USP12: variants seen among roughly 807,000 people sequenced by gnomAD.
USP12 encodes ubiquitin carboxyl-terminal hydrolase 12.
A neutral mutation model predicts 45.5 loss-of-function variants in USP12; 19 were observed. That is an observed-to-expected ratio of 0.42 (90% CI 0.29 to 0.61). The LOEUF is 0.61. Ranked by LOEUF, USP12 falls within the 20% of genes least tolerant of loss-of-function variation. The pLI is 0.22. For synonymous variants in USP12, 149 were observed against 148.8 expected, an observed-to-expected ratio of 1.00 and a Z score of -0.01; for missense variants, 242 against 447.7, an observed-to-expected ratio of 0.54 and a Z score of 4.15.
intron 6 of USP12, among the ~76,000 whole-genome samples, chr13:27,086,715 A>G (rs926746588): frequency 1.2e-4 from 18 of 152,158 alleles, no homozygotes; most frequent in African/African-American, 3.4e-4. Context: ...TATAGTCAGT[A>G]AAGTCTGAAA....
chr13:27,095,778 T>C lies in USP12; in HGVS notation c.396A>G (p.Leu132=), dbSNP rs749106977. The C allele has an allele frequency of 3.7e-6, 6 of 1,612,122 alleles. No individual in the cohort carries two copies. The highest frequency in any genetic ancestry group is 1.1e-5 in the South Asian group (1 of 90,374). Residue 132 remains leucine (L), a synonymous_variant, in exon 4 of 9, where the codon CTA becomes CTG. Coordinates refer to ENST00000282344, the MANE Select transcript of USP12 (RefSeq NM_182488.4). ...GTAAAATATCAGCAATTGTATTTAG[T>C]AGGTAATTTAAGAATTCATGGGCAT... ...QQDAHEFLNY[L]LNTIADILQE... is the part of the protein sequence containing the mutation.
chr13:27,123,010 TGAACCTGGGAGGCG>T (rs147808822), intron 1 of USP12, among the ~76,000 whole-genome samples: 8,073 of 151,164 alleles, frequency 0.053, 255 homozygotes, highest in Non-Finnish European at 0.057. Context: ...GAGAATGGCG[TGAACCTGGGAGGCG>T]GAGCTTGCAG....
intron 1 of USP12, among the ~76,000 whole-genome samples, chr13:27,163,768 TA>T (rs34384911): frequency 0.018 from 1,489 of 83,246 alleles, 16 homozygotes; most frequent in Middle Eastern, 0.055. Flanking sequence ...AGACCTGTCT[TA>T]AAAAAAAAAA....
At chr13:27,120,493 A>G (rs1046581248) in intron 1 of USP12, among the ~76,000 whole-genome samples, 3 of 152,064 alleles carry the variant, frequency 2.0e-5, no homozygotes, top group Non-Finnish European at 4.4e-5. Flanking sequence ...TCTCTATTAA[A>G]AATACAAAAA....
At chr13:27,159,043 G>C (rs1187132776) in intron 1 of USP12, among the ~76,000 whole-genome samples, 2 of 152,094 alleles carry the variant, frequency 1.3e-5, no homozygotes, top group African/African-American at 2.4e-5. Flanking sequence ...ATTACTTCTT[G>C]GGAAAGGGCG....
At chr13:27,171,384 C>A (rs1878599649) in intron 1 of USP12, among the ~76,000 whole-genome samples, 1 of 147,386 alleles carries the variant, frequency 6.8e-6, no homozygotes, top group Non-Finnish European at 1.5e-5. Context: ...CAGGCGGCGC[C>A]CCCTCCCCAG....
rs184044291 is a variant in USP12 at position 27,170,110 on chromosome 13, T to A, written c.48+1482A>T. ...AAACAATTCTCCAAAATCATTTTAA[T>A]ATAGTCCATTTAATACAAATGCTTT... On this transcript the variant is annotated intron_variant, in intron 1 of 8. Coordinates refer to ENST00000282344, the MANE Select transcript of USP12 (RefSeq NM_182488.4). 1.6e-3 allele frequency: 616 copies of A among 390,104 alleles called. 1 individual carries two copies. Among genetic ancestry groups the A allele is most frequent in the Non-Finnish European group, 2.3e-3 (514 of 221,370 alleles). 24.2% of individuals were successfully genotyped at this position (390,104 alleles called of 1,614,324 possible). A position where few individuals can be genotyped will look rare whatever the true frequency, so the allele number is the denominator to read the frequency against.
intron 3 of USP12, among the ~76,000 whole-genome samples, chr13:27,105,201 G>A (rs1875071873): frequency 6.6e-6 from 1 of 152,120 alleles, no homozygotes; most frequent in Non-Finnish European, 1.5e-5. Flanking sequence ...TTTAAAAAGG[G>A]GTTGGGGGAT....
At chr13:27,113,676 A>AG (rs1394813845) in intron 2 of USP12, among the ~76,000 whole-genome samples, 2 of 152,164 alleles carry the variant, frequency 1.3e-5, no homozygotes, top group Non-Finnish European at 2.9e-5. Context: ...TATCAATCAA[A>AG]GCCCTTTTAC....
At chr13:27,088,512 AAAT>A (rs938797240) in intron 6 of USP12, among the ~76,000 whole-genome samples, 15 of 151,838 alleles carry the variant, frequency 9.9e-5, no homozygotes, top group East Asian at 1.9e-4. Flanking sequence ...ACCATTTGCC[AAAT>A]AATAAGTGTC....
At position 27,066,837 on chromosome 13, in the gene USP12, C is replaced by T. The variant is rs570232271; in HGVS notation, c.*2446G>A. On this transcript the variant is annotated 3_prime_UTR_variant, in exon 9 of 9. Coordinates refer to ENST00000282344, the MANE Select transcript of USP12 (RefSeq NM_182488.4). ...TCAACCAACATACAACCTCACGATGCTTTCTTCATGGGTCACTTTTCTTAC... is the reference window on the plus strand; with the variant it reads ...TCAACCAACATACAACCTCACGATGTTTTCTTCATGGGTCACTTTTCTTAC... The T allele has an allele frequency of 6.6e-6, 1 of 152,296 alleles. No individual in the cohort carries two copies. The highest frequency in any genetic ancestry group is 2.4e-5 in the African/African-American group (1 of 41,570). 9.4% of individuals were successfully genotyped at this position (152,296 alleles called of 1,614,324 possible). A position where few individuals can be genotyped will look rare whatever the true frequency, so the allele number is the denominator to read the frequency against.
At chr13:27,153,151 G>A (rs1566005227) in intron 1 of USP12, among the ~76,000 whole-genome samples, 1 of 151,910 alleles carries the variant, frequency 6.6e-6, no homozygotes, top group African/African-American at 2.4e-5. Flanking sequence ...GGCCAACATG[G>A]CGAAACCCTG....
chr13:27,069,020 T>C lies in USP12; in HGVS notation c.*263A>G, dbSNP rs796865963. 6.3e-5 allele frequency: 29 copies of C among 463,898 alleles called. No homozygotes were observed. The highest frequency in any genetic ancestry group is 4.8e-4 in the African/African-American group (24 of 50,078). 28.7% of individuals were successfully genotyped at this position (463,898 alleles called of 1,614,324 possible). On this transcript the variant is annotated 3_prime_UTR_variant, in exon 9 of 9. Coordinates refer to ENST00000282344, the MANE Select transcript of USP12 (RefSeq NM_182488.4). ...ATGCGTGCCAATGACTGGAAGGCTG[T>C]TTTAAAAGAGGAGCTGGTATCTCTG...
At chr13:27,163,284 C>A (rs1449824623) in intron 1 of USP12, among the ~76,000 whole-genome samples, 4 of 152,096 alleles carry the variant, frequency 2.6e-5, no homozygotes, top group Non-Finnish European at 5.9e-5. Flanking sequence ...AATATGCCCC[C>A]TTCCTACTCT....
chr13:27,143,259 A>G (rs931163507), intron 1 of USP12, among the ~76,000 whole-genome samples: 1 of 152,194 alleles, frequency 6.6e-6, no homozygotes, highest in Non-Finnish European at 1.5e-5. Context: ...ATCATGACAC[A>G]AAAAAGAAGT....
At chr13:27,154,821 G>A (rs1179606308) in intron 1 of USP12, among the ~76,000 whole-genome samples, 1 of 152,024 alleles carries the variant, frequency 6.6e-6, no homozygotes, top group Non-Finnish European at 1.5e-5. Context: ...TAATCACAAG[G>A]GTCTGGTAAG....
chr13:27,157,465 T>A (rs1877892596), intron 1 of USP12, among the ~76,000 whole-genome samples: 1 of 152,176 alleles, frequency 6.6e-6, no homozygotes, highest in Admixed American at 6.5e-5. Flanking sequence ...TTTCATTAGC[T>A]CATTTTTAGC....
chr13:27,073,222 C>T (rs778691180), intron 7 of USP12, among the ~76,000 whole-genome samples: 3 of 150,816 alleles, frequency 2.0e-5, no homozygotes, highest in Non-Finnish European at 3.0e-5. Context: ...GGGGTGGGGG[C>T]GGGATACCAA....
chr13:27,090,233 G>A, intron 4 of USP12, 75 bp from the exon 5 acceptor site: 2 of 1,187,338 alleles, frequency 1.7e-6, no homozygotes. Context: ...AGAATTAAAT[G>A]CCATTCTATT....
Sources: allele counts gnomAD v4.1 joint callset (sites outside exome capture counted in the v4.1 genomes callset), GRCh38; gene constraint gnomAD v4.1.1; transcripts MANE v1.5; gene names NCBI Gene and HGNC (gene_info 2026-07-23, HGNC 2026-07-21).